B3GALT1: variants seen among roughly 807,000 people sequenced by gnomAD.
The protein encoded by B3GALT1 is UDP-Gal:betaGlcNAc beta 1,3-galactosyltransferase, polypeptide 1.
B3GALT1 carries 10 observed loss-of-function variants against 23.2 expected under a neutral mutation model. That is an observed-to-expected ratio of 0.43 (90% CI 0.27 to 0.73). B3GALT1 has a LOEUF of 0.73. Ranked by LOEUF, B3GALT1 falls within the 30% of genes least tolerant of loss-of-function variation. B3GALT1 has a pLI of 0.21. For missense variants in B3GALT1, 299 were observed against 405.4 expected (o/e 0.74, Z 2.25); for synonymous variants, 156 against 141.5 (o/e 1.10, Z -0.73).
intron 3 of B3GALT1, among the ~76,000 whole-genome samples, chr2:167,670,173 A>T (rs1463786987): frequency 1.3e-5 from 2 of 152,210 alleles, no homozygotes; most frequent in African/African-American, 2.4e-5. Context: ...TCATACAGAC[A>T]GGCTTGACTC....
At position 167,727,760 on chromosome 2, in the gene B3GALT1, C is replaced by T. The variant is rs575048927; in HGVS notation, c.-352+80794C>T. The stretch of plus-strand genomic sequence containing the variant: ...TTTATCAAGACATCTTTCTTACATT[C>T]GGGGTTGATATTAAACTTGTGAGGC... On this transcript the variant is annotated intron_variant, in intron 3 of 4. Coordinates refer to ENST00000392690, the MANE Select transcript of B3GALT1 (RefSeq NM_020981.4). Among the ~76,000 whole-genome samples the T allele has an allele frequency of 4.6e-5, 7 of 152,190 alleles. No individual in the cohort carries two copies. In the East Asian group the frequency reaches 1.4e-3, roughly 29 times the overall value.
chr2:167,791,456 G>A (rs896957227), intron 3 of B3GALT1, among the ~76,000 whole-genome samples: 1 of 152,186 alleles, frequency 6.6e-6, no homozygotes, highest in African/African-American at 2.4e-5. Context: ...AAAAGTGCTT[G>A]TATAAATCCA....
chr2:167,659,949 A>C (rs1167379700), intron 3 of B3GALT1, among the ~76,000 whole-genome samples: 1 of 152,060 alleles, frequency 6.6e-6, no homozygotes. Flanking sequence ...ATTCAATTCA[A>C]ATTTTTATCC....
chr2:167,739,391 G>A (rs535049032), intron 3 of B3GALT1, among the ~76,000 whole-genome samples: 1 of 152,090 alleles, frequency 6.6e-6, no homozygotes, highest in Non-Finnish European at 1.5e-5. Flanking sequence ...CAGAGGGGAG[G>A]GTGGATAGAA....
intron 3 of B3GALT1, among the ~76,000 whole-genome samples, chr2:167,812,565 T>G (rs1688911194): frequency 6.6e-6 from 1 of 152,220 alleles, no homozygotes; most frequent in African/African-American, 2.4e-5. Flanking sequence ...TAAAATTACA[T>G]CAAAATTTTA....
intron 1 of B3GALT1, among the ~76,000 whole-genome samples, chr2:167,317,674 C>T (rs976540544): frequency 6.6e-6 from 1 of 152,116 alleles, no homozygotes. Flanking sequence ...GAATAACTTT[C>T]ATCACAGTAG....
chr2:167,477,508 G>A (rs930539075), intron 1 of B3GALT1, among the ~76,000 whole-genome samples: 5 of 152,150 alleles, frequency 3.3e-5, no homozygotes, highest in East Asian at 3.9e-4. Flanking sequence ...GATACAGTAC[G>A]ATCCTATAAT....
At chr2:167,450,807 C>A (rs1699077855) in intron 1 of B3GALT1, among the ~76,000 whole-genome samples, 1 of 152,140 alleles carries the variant, frequency 6.6e-6, no homozygotes, top group Admixed American at 6.5e-5. Context: ...TTTTAGATTT[C>A]TTTTCTTCAT....
At chr2:167,589,979 C>T (rs897051351) in intron 2 of B3GALT1, among the ~76,000 whole-genome samples, 3 of 152,040 alleles carry the variant, frequency 2.0e-5, no homozygotes, top group African/African-American at 4.8e-5. Context: ...ATCTCCATTG[C>T]CTAATTTGAT....
intron 3 of B3GALT1, among the ~76,000 whole-genome samples, chr2:167,731,735 A>T (rs1687413691): frequency 6.6e-6 from 1 of 152,194 alleles, no homozygotes; most frequent in African/African-American, 2.4e-5. Flanking sequence ...AAAGGCTTCC[A>T]TTGCAAGGCA....
chr2:167,715,169 G>A (rs1169538582), intron 3 of B3GALT1: 11 of 1,613,746 alleles, frequency 6.8e-6, no homozygotes, highest in Middle Eastern at 1.6e-4. Context: ...ACCATTTTCC[G>A]ATTGACTGTT....
At chr2:167,310,211 T>G (rs1224506458) in intron 1 of B3GALT1, among the ~76,000 whole-genome samples, 8 of 152,030 alleles carry the variant, frequency 5.3e-5, no homozygotes, top group African/African-American at 1.9e-4. Flanking sequence ...ATTAATGATT[T>G]TTTTTTCAAC....
intron 1 of B3GALT1, among the ~76,000 whole-genome samples, chr2:167,420,889 A>G (rs1231459060): frequency 1.3e-5 from 2 of 152,162 alleles, no homozygotes; most frequent in African/African-American, 2.4e-5. Context: ...GGCAGATAGA[A>G]AGGGACATTA....
intron 2 of B3GALT1, among the ~76,000 whole-genome samples, chr2:167,571,159 A>G (rs1684287126): frequency 6.6e-6 from 1 of 151,892 alleles, no homozygotes; most frequent in Non-Finnish European, 1.5e-5. Context: ...GACATTCAAC[A>G]ACACCACAGA....
chr2:167,859,708 T>C (rs557378007), intron 4 of B3GALT1, among the ~76,000 whole-genome samples: 34 of 152,326 alleles, frequency 2.2e-4, no homozygotes, highest in Middle Eastern at 3.4e-3. Context: ...CACTGCCTCA[T>C]TGCAAATGAG....
intron 3 of B3GALT1, among the ~76,000 whole-genome samples, chr2:167,709,911 T>A (rs1687023433): frequency 6.6e-6 from 1 of 152,110 alleles, no homozygotes; most frequent in South Asian, 2.1e-4. Context: ...TGAAAATCAC[T>A]TATCACAACA....
At chr2:167,752,315 A>G (rs1687750262) in intron 3 of B3GALT1, among the ~76,000 whole-genome samples, 1 of 152,186 alleles carries the variant, frequency 6.6e-6, no homozygotes, top group Admixed American at 6.5e-5. Context: ...CACTCATAAA[A>G]CATTGTTACA....
chr2:167,455,888 A>G (rs1699162520), intron 1 of B3GALT1, among the ~76,000 whole-genome samples: 1 of 152,220 alleles, frequency 6.6e-6, no homozygotes, highest in Admixed American at 6.5e-5. Context: ...TGTAGAGTAC[A>G]GCATGTTTTA....
chr2:167,700,751 G>A (rs1436811789), intron 3 of B3GALT1, among the ~76,000 whole-genome samples: 1 of 152,160 alleles, frequency 6.6e-6, no homozygotes, highest in Non-Finnish European at 1.5e-5. Context: ...CCAACCACGC[G>A]TGGAACTACT....
Sources: allele counts gnomAD v4.1 joint callset (sites outside exome capture counted in the v4.1 genomes callset), GRCh38; gene constraint gnomAD v4.1.1; transcripts MANE v1.5; gene names NCBI Gene and HGNC (gene_info 2026-07-23, HGNC 2026-07-21).